SPAG17: variants seen among roughly 807,000 people sequenced by gnomAD.
The protein encoded by SPAG17 is sperm-associated antigen 17.
A neutral mutation model predicts 273.6 loss-of-function variants in SPAG17; 169 were observed. The observed-to-expected ratio is 0.62, with a 90% CI of 0.55 to 0.70. The LOEUF (loss-of-function observed/expected upper bound fraction) is 0.70. SPAG17 is among the 30% of genes least tolerant of loss of function. The probability of loss-of-function intolerance (pLI) is 0.00; values close to 1 mark genes in which losing one functional copy is unlikely to be tolerated. For synonymous variants in SPAG17, 825 were observed against 873.2 expected (o/e 0.94, Z 0.97); for missense variants, 2,557 against 2,627.8 (o/e 0.97, Z 0.59).
chr1:117,969,710 T>C (rs1654331098), intron 46 of SPAG17, among the ~76,000 whole-genome samples: 1 of 152,246 alleles, frequency 6.6e-6, no homozygotes, highest in African/African-American at 2.4e-5. Flanking sequence ...TAATTATTTT[T>C]CACTTCGCAT....
Position 118,041,979 on chromosome 1 carries a change from CT to C in SPAG17, c.2877del (p.Glu960ArgfsTer24). 1 of 1,613,996 alleles carries C rather than the reference CT, an allele frequency of 6.2e-7. No individual in the cohort carries two copies. Among genetic ancestry groups the C allele is most frequent in the Non-Finnish European group, 8.5e-7 (1 of 1,179,924 alleles). The stretch of plus-strand genomic sequence containing the variant: ...TTACCAGCTTCTTTACCCTTCTTCT[CT>C]GCTTTCTTTTCTTCCCTTAAGCGCT... The part of the protein sequence containing the change: ...EEERLREEKK[A>X]EKKGKEAGKK... On this transcript the variant is annotated frameshift_variant, in exon 21 of 49. Transcript: ENST00000336338. LOFTEE classifies it high-confidence loss of function.
chr1:118,082,320 G>A (rs1654648212), intron 13 of SPAG17, among the ~76,000 whole-genome samples: 1 of 152,202 alleles, frequency 6.6e-6, no homozygotes, highest in Non-Finnish European at 1.5e-5. Context: ...CAAGGTAGAG[G>A]AAGGAGAAGT....
intron 34 of SPAG17, among the ~76,000 whole-genome samples, chr1:117,996,069 C>T (rs1657616661): frequency 6.6e-6 from 1 of 152,008 alleles, no homozygotes; most frequent in South Asian, 2.1e-4. Flanking sequence ...ACTCATAAAT[C>T]AGAACTTTGG....
chr1:117,970,174 A>G, intron 45 of SPAG17, 58 bp from the exon 46 acceptor site: 2 of 1,512,430 alleles, frequency 1.3e-6, no homozygotes, highest in South Asian at 2.3e-5. Flanking sequence ...TGAGCAATGA[A>G]TAAGCTGGGA....
In SPAG17 at chr1:118,040,267, C is replaced by G. The variant is rs564224826; in HGVS notation, c.3166+463G>C. ...TACTACGAATCACCTGAAACTTATA[C>G]GCATTGTATGCATATGCAAATCTTA... On this transcript the variant is annotated intron_variant, in intron 22 of 48. Coordinates refer to ENST00000336338, the MANE Select transcript of SPAG17 (RefSeq NM_206996.4). 2.8e-4 allele frequency among the ~76,000 whole-genome samples: 43 copies of G among 152,164 alleles called. No individual in the cohort carries two copies. The South Asian group carries it at 8.9e-3, about 32-fold the overall frequency.
In SPAG17 at chr1:118,135,403, G is replaced by A. The variant is rs868226734; in HGVS notation, c.315+15140C>T. ...TGTGTGTGTGTGTGTGTGTGTGTGT[G>A]TGTGTGTATGTGTGTGTGTGTGTGT... On this transcript the variant is annotated intron_variant, in intron 3 of 48. Transcript: ENST00000336338. Among the ~76,000 whole-genome samples the A allele has an allele frequency of 1.2e-3, 170 of 145,312 alleles. 1 individual carries two copies. The highest frequency in any genetic ancestry group is 4.3e-3 in the African/African-American group (160 of 37,108).
At chr1:118,150,043 T>C (rs1659284578) in intron 3 of SPAG17, among the ~76,000 whole-genome samples, 2 of 152,160 alleles carry the variant, frequency 1.3e-5, no homozygotes, top group Admixed American at 1.3e-4. Flanking sequence ...TATTTTCATA[T>C]CGATTAAAGT....
At chr1:118,060,361 G>A (rs1652153487) in intron 18 of SPAG17, among the ~76,000 whole-genome samples, 1 of 151,564 alleles carries the variant, frequency 6.6e-6, no homozygotes, top group Non-Finnish European at 1.5e-5. Context: ...TACCCAGGCT[G>A]GACTCCAAAT....
intron 40 of SPAG17, among the ~76,000 whole-genome samples, chr1:117,987,220 C>T (rs1198086292): frequency 4.6e-5 from 7 of 152,112 alleles, no homozygotes; most frequent in Admixed American, 4.6e-4. Context: ...TCTAGTTTGA[C>T]CTTGTATAGG....
At position 117,969,958 on chromosome 1, in the gene SPAG17, A is replaced by C. The variant is rs375198197; in HGVS notation, c.6387+98T>G. 7.6e-5 allele frequency: 80 copies of C among 1,052,134 alleles called. No homozygotes were observed. The African/African-American group carries it at 1.2e-3, about 16-fold the overall frequency. The allele number at this position is 1,052,134 out of a possible 1,614,324, so 65.2% of individuals were successfully genotyped here. Reference sequence around the variant, plus strand: ...GTAGACTTATACATAGTTTAAAAGGAATGGGCAGAATGGTTTCAAAGCCCA... The same window carrying C: ...GTAGACTTATACATAGTTTAAAAGGCATGGGCAGAATGGTTTCAAAGCCCA... On this transcript the variant is annotated intron_variant, in intron 46 of 48. Coordinates refer to ENST00000336338, the MANE Select transcript of SPAG17 (RefSeq NM_206996.4).
intron 3 of SPAG17, among the ~76,000 whole-genome samples, chr1:118,139,962 C>A (rs1361095918): frequency 6.6e-6 from 1 of 152,004 alleles, no homozygotes; most frequent in Non-Finnish European, 1.5e-5. Flanking sequence ...TAGATGATCA[C>A]AGGAGGGGAA....
chr1:118,176,814 T>C (rs1660718996), intron 1 of SPAG17, among the ~76,000 whole-genome samples: 1 of 152,120 alleles, frequency 6.6e-6, no homozygotes, highest in Non-Finnish European at 1.5e-5. Flanking sequence ...AGAACAAATT[T>C]CAACAAATTA....
At chr1:118,003,551 AT>A (rs1470696918) in intron 32 of SPAG17, among the ~76,000 whole-genome samples, 2 of 151,832 alleles carry the variant, frequency 1.3e-5, no homozygotes, top group African/African-American at 4.8e-5. Flanking sequence ...TTCTCACTTT[AT>A]TTCATTAATT....
At chr1:118,073,567 C>A (rs1464469402) in intron 17 of SPAG17, among the ~76,000 whole-genome samples, 1 of 152,060 alleles carries the variant, frequency 6.6e-6, no homozygotes. Context: ...TTAGAAAATA[C>A]ATGCAGCAGC....
chr1:118,105,655 T>C (rs1237147756), intron 4 of SPAG17, among the ~76,000 whole-genome samples: 1 of 152,016 alleles, frequency 6.6e-6, no homozygotes, highest in East Asian at 1.9e-4. Flanking sequence ...TAGGAGGATA[T>C]TGGATTATGA....
chr1:118,162,743 A>G (rs1249771750), intron 1 of SPAG17, among the ~76,000 whole-genome samples: 1 of 152,150 alleles, frequency 6.6e-6, no homozygotes, highest in African/African-American at 2.4e-5. Context: ...TATTGTATTA[A>G]CTAATTCTGC....
intron 24 of SPAG17, among the ~76,000 whole-genome samples, chr1:118,034,978 T>A (rs912126945): frequency 6.6e-6 from 1 of 152,206 alleles, no homozygotes; most frequent in African/African-American, 2.4e-5. Flanking sequence ...AGCTGTACTG[T>A]CTACTTTTTC....
chr1:117,992,874 T>A (rs112640285), intron 35 of SPAG17, among the ~76,000 whole-genome samples: 20 of 152,158 alleles, frequency 1.3e-4, no homozygotes, highest in African/African-American at 4.6e-4. Flanking sequence ...ACTGGATATT[T>A]AAAAATCCTG....
Position 118,178,484 on chromosome 1 carries a change from C to T in SPAG17, c.87+6587G>A, listed in dbSNP as rs924601101. Among the ~76,000 whole-genome samples, 4 of 151,742 alleles carry T rather than the reference C, an allele frequency of 2.6e-5. No homozygotes were observed. In the South Asian group the frequency reaches 6.2e-4, roughly 24 times the overall value. ...AAACCCTCAGCTAAAATCATACTGA[C>T]CAGGAAGAAATGGAAAGCCTTTCCT... is the stretch of plus-strand genomic sequence containing the variant. On this transcript the variant is annotated intron_variant, in intron 1 of 48. Coordinates refer to ENST00000336338, the MANE Select transcript of SPAG17 (RefSeq NM_206996.4).
Sources: gnomAD v4.1 joint callset for allele counts (sites outside exome capture counted in the v4.1 genomes callset) on GRCh38, gnomAD v4.1.1 for gene constraint, MANE v1.5 for transcripts, NCBI Gene and HGNC (gene_info 2026-07-23, HGNC 2026-07-21) for gene names.